ACVR1C: variants seen among roughly 807,000 people sequenced by gnomAD.
ACVR1C encodes activin receptor type-1C.
A neutral mutation model predicts 57.9 loss-of-function variants in ACVR1C; 23 were observed. The ratio of observed to expected loss-of-function variants is 0.40; its 90% CI spans 0.29 to 0.56. The LOEUF (loss-of-function observed/expected upper bound fraction) is 0.56, where lower values mean the gene tolerates loss of function less well. ACVR1C is among the 20% of genes least tolerant of loss of function. ACVR1C has a pLI of 0.50. For missense variants in ACVR1C, 480 were observed against 607.9 expected (o/e 0.79, Z 2.21); for synonymous variants, 214 against 215.3 (o/e 0.99, Z 0.05).
intron 1 of ACVR1C, among the ~76,000 whole-genome samples, chr2:157,613,486 G>T (rs1223392903): frequency 6.6e-6 from 1 of 151,824 alleles, no homozygotes; most frequent in Non-Finnish European, 1.5e-5. Context: ...GCCGTTGATT[G>T]AATCTGCAGA....
intron 1 of ACVR1C, among the ~76,000 whole-genome samples, chr2:157,621,134 G>T (rs1349709909): frequency 6.6e-6 from 1 of 152,154 alleles, no homozygotes; most frequent in Non-Finnish European, 1.5e-5. Flanking sequence ...GTCATACCTA[G>T]TGAATCACCC....
intron 2 of ACVR1C, among the ~76,000 whole-genome samples, chr2:157,578,384 C>T (rs1688713150): frequency 6.6e-6 from 1 of 152,132 alleles, no homozygotes; most frequent in African/African-American, 2.4e-5. Context: ...GTCCTTAGAA[C>T]ATTTTAACTC....
At chr2:157,577,823 CTCTTT>C (rs1688699934) in intron 2 of ACVR1C, among the ~76,000 whole-genome samples, 2 of 151,994 alleles carry the variant, frequency 1.3e-5, no homozygotes, top group South Asian at 4.1e-4. Flanking sequence ...TTCCTTTTCT[CTCTTT>C]TCTTGGCTTC....
chr2:157,599,950 T>C (rs1682243809), intron 1 of ACVR1C, among the ~76,000 whole-genome samples: 1 of 152,218 alleles, frequency 6.6e-6, no homozygotes, highest in African/African-American at 2.4e-5. Context: ...CTGGGCCTCA[T>C]GTGTTCAACT....
chr2:157,588,139 A>G (rs181196418), intron 1 of ACVR1C, among the ~76,000 whole-genome samples: 139 of 152,098 alleles, frequency 9.1e-4, no homozygotes, highest in African/African-American at 3.2e-3. Flanking sequence ...AATCAATAAT[A>G]GAATTTAGAA....
intron 1 of ACVR1C, among the ~76,000 whole-genome samples, chr2:157,594,037 T>A (rs1363685515): frequency 1.3e-5 from 2 of 152,136 alleles, no homozygotes; most frequent in Admixed American, 6.5e-5. Context: ...CCCTTAGAGC[T>A]GAGAAGGAAT....
chr2:157,612,630 C>T (rs1303333330), intron 1 of ACVR1C, among the ~76,000 whole-genome samples: 1 of 152,190 alleles, frequency 6.6e-6, no homozygotes. Context: ...TTCTCACAGC[C>T]CCAGACAGGG....
chr2:157,540,943 C>A (rs1170180801), intron 7 of ACVR1C, 147 bp downstream of exon 7: 2 of 972,486 alleles, frequency 2.1e-6, no homozygotes, highest in African/African-American at 3.3e-5. Context: ...CCCACTTTTG[C>A]CACTGGAAAT....
At chr2:157,562,449 T>A (rs192082075) in intron 2 of ACVR1C, among the ~76,000 whole-genome samples, 80 of 135,156 alleles carry the variant, frequency 5.9e-4, no homozygotes, top group Non-Finnish European at 1.1e-3. Context: ...ATACACAGCC[T>A]ACCAACCAAA....
intron 3 of ACVR1C, among the ~76,000 whole-genome samples, chr2:157,553,669 C>T (rs1687975335): frequency 6.6e-6 from 1 of 152,070 alleles, no homozygotes; most frequent in Non-Finnish European, 1.5e-5. Flanking sequence ...CTAACATCTT[C>T]AGATAATTAA....
At chr2:157,546,982 C>T (rs1369241708) in intron 4 of ACVR1C, among the ~76,000 whole-genome samples, 3 of 133,096 alleles carry the variant, frequency 2.3e-5, no homozygotes, top group African/African-American at 8.5e-5. Context: ...CCCACCCCAC[C>T]ACAGTCCCCA....
At chr2:157,572,659 C>T (rs112188209) in intron 2 of ACVR1C, among the ~76,000 whole-genome samples, 2 of 152,288 alleles carry the variant, frequency 1.3e-5, no homozygotes, top group East Asian at 1.9e-4. Flanking sequence ...TTTCCTATTA[C>T]ATCTCTATGA....
intron 1 of ACVR1C, among the ~76,000 whole-genome samples, chr2:157,617,323 G>A (rs1351540505): frequency 6.6e-6 from 1 of 152,006 alleles, no homozygotes; most frequent in Non-Finnish European, 1.5e-5. Flanking sequence ...GGGAGAAACA[G>A]ACAAATACAT....
intron 2 of ACVR1C, among the ~76,000 whole-genome samples, chr2:157,572,377 A>AAT (rs397739504): frequency 1.4e-5 from 2 of 144,088 alleles, no homozygotes; most frequent in Non-Finnish European, 1.5e-5. Context: ...AAAAAAAAAA[A>AAT]TTAAAAAAAA....
chr2:157,539,175 A>G (rs1388386159), intron 7 of ACVR1C, among the ~76,000 whole-genome samples: 2 of 152,072 alleles, frequency 1.3e-5, no homozygotes, highest in East Asian at 3.8e-4. Context: ...TTCCCATCAG[A>G]TAACTTTTTC....
chr2:157,624,273 A>G (rs1211414639), intron 1 of ACVR1C, among the ~76,000 whole-genome samples: 1 of 152,186 alleles, frequency 6.6e-6, no homozygotes, highest in Non-Finnish European at 1.5e-5. Flanking sequence ...ACTATATCAG[A>G]ATAACAGGTC....
chr2:157,542,643 A>G, intron 6 of ACVR1C, 63 bp downstream of exon 6: 2 of 1,538,068 alleles, frequency 1.3e-6, no homozygotes, highest in South Asian at 2.5e-5. Context: ...CACACACATG[A>G]GGACATTCAT....
In ACVR1C at chr2:157,575,890, T is replaced by C. The variant is rs139757871; in HGVS notation, c.304+11297A>G. On this transcript the variant is annotated intron_variant, in intron 2 of 8. Coordinates refer to ENST00000243349, the MANE Select transcript of ACVR1C (RefSeq NM_145259.3). ...AATTGACAAGGGAAGAGTTAAAGAATGTCCTCTGCCTGTCAGCTGTCTCCA... is the reference window on the plus strand; with the variant it reads ...AATTGACAAGGGAAGAGTTAAAGAACGTCCTCTGCCTGTCAGCTGTCTCCA... 1.6e-4 allele frequency among the ~76,000 whole-genome samples: 25 copies of C among 152,306 alleles called. No homozygotes were observed. In the East Asian group the frequency reaches 4.4e-3, roughly 27 times the overall value.
At chr2:157,626,434 G>A (rs1682898895) in intron 1 of ACVR1C, among the ~76,000 whole-genome samples, 1 of 152,212 alleles carries the variant, frequency 6.6e-6, no homozygotes, top group Admixed American at 6.5e-5. Context: ...TTTATCATGT[G>A]TTCAGATATT....
Sources: allele counts gnomAD v4.1 joint callset (sites outside exome capture counted in the v4.1 genomes callset), GRCh38; gene constraint gnomAD v4.1.1; transcripts MANE v1.5; gene names NCBI Gene and HGNC (gene_info 2026-07-23, HGNC 2026-07-21).